Variants in HTR1E observed in about 807,000 individuals in gnomAD.
HTR1E encodes 5-hydroxytryptamine receptor 1E.
In HTR1E, 3 loss-of-function variants were observed where a neutral mutation model predicts 3.4. The observed-to-expected ratio is 0.89, with a 90% CI of 0.41 to 2.31. The LOEUF is 2.31. Ranked by LOEUF, HTR1E falls within the 30% of genes most tolerant of loss-of-function variation. The probability of loss-of-function intolerance (pLI) is 0.05; values close to 1 mark genes in which losing one functional copy is unlikely to be tolerated. For synonymous variants in HTR1E, 170 were observed against 182.8 expected (o/e 0.93, Z 0.56); for missense variants, 392 against 467.0 (o/e 0.84, Z 1.48).
intron 1 of HTR1E, among the ~76,000 whole-genome samples, chr6:86,986,653 C>T (rs1461549201): frequency 6.6e-6 from 1 of 152,140 alleles, no homozygotes; most frequent in Non-Finnish European, 1.5e-5. Context: ...AGACTATTCG[C>T]ATTTCCCATT....
chr6:86,958,128 G>A (rs987642163), intron 1 of HTR1E, among the ~76,000 whole-genome samples: 2 of 146,476 alleles, frequency 1.4e-5, no homozygotes, highest in African/African-American at 5.1e-5. Flanking sequence ...GTGCGATCTC[G>A]GCTCACTGCC....
chr6:86,968,816 TAATC>T (rs914861908), intron 1 of HTR1E, among the ~76,000 whole-genome samples: 1 of 152,164 alleles, frequency 6.6e-6, no homozygotes, highest in Non-Finnish European at 1.5e-5. Flanking sequence ...CTTAGTGTAT[TAATC>T]AATCTTTTGT....
intron 1 of HTR1E, among the ~76,000 whole-genome samples, chr6:87,012,155 A>G (rs1768248395): frequency 6.6e-6 from 1 of 152,134 alleles, no homozygotes; most frequent in Admixed American, 6.5e-5. Flanking sequence ...CTTACCAGGG[A>G]CTTTCTCTGT....
At chr6:86,970,063 C>A (rs1368034086) in intron 1 of HTR1E, among the ~76,000 whole-genome samples, 1 of 152,152 alleles carries the variant, frequency 6.6e-6, no homozygotes, top group East Asian at 1.9e-4. Context: ...GTTTTCTTCA[C>A]ATTGTTTTAA....
At chr6:86,959,573 A>G (rs987670731) in intron 1 of HTR1E, among the ~76,000 whole-genome samples, 2 of 152,206 alleles carry the variant, frequency 1.3e-5, no homozygotes, top group African/African-American at 4.8e-5. Flanking sequence ...GTTTTGACTA[A>G]TCTGGGTACC....
In HTR1E at chr6:87,014,872, G is replaced by A. The variant is rs1308444367; in HGVS notation, c.-185-278G>A. Among the ~76,000 whole-genome samples the A allele has an allele frequency of 3.3e-5, 5 of 152,058 alleles. No homozygotes were observed. In the East Asian group the frequency reaches 7.7e-4, roughly 23 times the overall value. On this transcript the variant is annotated intron_variant, in intron 1 of 1. Transcript: ENST00000305344. ...TAATGTAGATGATTGGTTGTTGGGT[G>A]CAGCAAACCACCATGGCACATGTAT...
At chr6:86,976,631 G>T (rs991828971) in intron 1 of HTR1E, among the ~76,000 whole-genome samples, 1 of 152,174 alleles carries the variant, frequency 6.6e-6, no homozygotes, top group Non-Finnish European at 1.5e-5. Flanking sequence ...ATTGATATGT[G>T]TATAAATGGA....
rs1358216537 is a variant in HTR1E, at chr6:87,015,785, A to G, written c.451A>G (p.Ile151Val). 22 of 1,610,734 alleles carry G rather than the reference A, an allele frequency of 1.4e-5. No individual in the cohort carries two copies. Among genetic ancestry groups the G allele is most frequent in the East Asian group, 2.2e-5 (1 of 44,822 alleles). Residue 151 changes from isoleucine to valine, a missense_variant, in exon 2 of 2, where the codon ATT (isoleucine) becomes GTT (valine). Transcript: ENST00000305344. Reference sequence around the variant, plus strand: ...GATCCTTACCGTCTGGACCATCTCCATTTTCATCTCCATGCCCCCTCTGTT... The same window carrying G: ...GATCCTTACCGTCTGGACCATCTCCGTTTTCATCTCCATGCCCCCTCTGTT... Reference protein sequence around the residue: ...LMILTVWTISIFISMPPLFWR... With the variant: ...LMILTVWTISVFISMPPLFWR...
At chr6:86,988,458 T>G (rs773204418) in intron 1 of HTR1E, among the ~76,000 whole-genome samples, 15 of 152,156 alleles carry the variant, frequency 9.9e-5, no homozygotes, top group Non-Finnish European at 2.2e-4. Context: ...AACATTTTCT[T>G]ACAGCAACTT....
chr6:86,968,714 A>G (rs16878089), intron 1 of HTR1E, among the ~76,000 whole-genome samples: 23,426 of 151,836 alleles, frequency 0.15, 2,106 homozygotes, highest in East Asian at 0.29. Flanking sequence ...TTAGTCCTTA[A>G]TACATAATCT....
At chr6:86,964,964 C>G (rs949439866) in intron 1 of HTR1E, among the ~76,000 whole-genome samples, 2 of 152,116 alleles carry the variant, frequency 1.3e-5, no homozygotes, top group Non-Finnish European at 2.9e-5. Context: ...CTTCATTCAC[C>G]CACAGATTTT....
intron 1 of HTR1E, among the ~76,000 whole-genome samples, chr6:86,990,643 T>C (rs1767860228): frequency 6.6e-6 from 1 of 152,158 alleles, no homozygotes; most frequent in South Asian, 2.1e-4. Context: ...TAAATAGGCA[T>C]CAATAGTGTA....
intron 1 of HTR1E, among the ~76,000 whole-genome samples, chr6:86,984,265 T>C (rs1167929488): frequency 2.0e-5 from 3 of 152,242 alleles, no homozygotes; most frequent in African/African-American, 7.2e-5. Context: ...GTGTGTAAAA[T>C]ATAATACTGT....
chr6:86,964,073 T>C (rs1767442260), intron 1 of HTR1E, among the ~76,000 whole-genome samples: 1 of 152,166 alleles, frequency 6.6e-6, no homozygotes, highest in Non-Finnish European at 1.5e-5. Flanking sequence ...CTGGGTGCTA[T>C]GGAGAAGAAG....
At chr6:87,013,803 AC>A (rs1270688844) in intron 1 of HTR1E, among the ~76,000 whole-genome samples, 1 of 152,016 alleles carries the variant, frequency 6.6e-6, no homozygotes, top group Non-Finnish European at 1.5e-5. Context: ...TAGGAAAAAA[AC>A]AAACAACCCC....
chr6:87,009,684 C>T (rs1385002753), intron 1 of HTR1E, among the ~76,000 whole-genome samples: 81 of 144,590 alleles, frequency 5.6e-4, no homozygotes, highest in African/African-American at 1.8e-3. Flanking sequence ...GCTGGCCGGG[C>T]GGGGGGCCGA....
intron 1 of HTR1E, among the ~76,000 whole-genome samples, 200 bp from the exon 2 acceptor site, chr6:87,014,950 T>C (rs1768295166): frequency 6.6e-6 from 1 of 151,714 alleles, no homozygotes; most frequent in Non-Finnish European, 1.5e-5. Context: ...ACTTAAAGTA[T>C]AATTTAAAAA....
chr6:86,984,286 G>A (rs905992211), intron 1 of HTR1E, among the ~76,000 whole-genome samples: 3 of 152,072 alleles, frequency 2.0e-5, no homozygotes, highest in Non-Finnish European at 2.9e-5. Flanking sequence ...CTTCTTGGGC[G>A]AAAGGTCATA....
chr6:86,946,894 A>G (rs1241595518), intron 1 of HTR1E, among the ~76,000 whole-genome samples: 1 of 152,166 alleles, frequency 6.6e-6, no homozygotes, highest in Non-Finnish European at 1.5e-5. Flanking sequence ...AGACAGGCGG[A>G]TCACCTGAGG....
Sources: gnomAD v4.1 joint callset for allele counts (sites outside exome capture counted in the v4.1 genomes callset) on GRCh38, gnomAD v4.1.1 for gene constraint, MANE v1.5 for transcripts, NCBI Gene and HGNC (gene_info 2026-07-23, HGNC 2026-07-21) for gene names.